Variants in DYNC1LI1 observed in about 807,000 individuals in gnomAD.
The protein encoded by DYNC1LI1 is cytoplasmic dynein 1 light intermediate chain 1.
A neutral mutation model predicts 63.8 loss-of-function variants in DYNC1LI1; 19 were observed. The observed-to-expected ratio is 0.30, with a 90% CI of 0.21 to 0.44. The LOEUF (loss-of-function observed/expected upper bound fraction) is 0.44. DYNC1LI1 is among the 20% of genes least tolerant of loss of function. DYNC1LI1 has a pLI of 1.00. For synonymous variants in DYNC1LI1, 225 were observed against 232.3 expected, an observed-to-expected ratio of 0.97 and a Z score of 0.28; for missense variants, 565 against 630.2, an observed-to-expected ratio of 0.90 and a Z score of 1.11.
chr3:32,566,042 GAGA>G (rs1698254917), intron 2 of DYNC1LI1, among the ~76,000 whole-genome samples: 1 of 152,186 alleles, frequency 6.6e-6, no homozygotes, highest in Admixed American at 6.5e-5. Context: ...ACTGAGGTGA[GAGA>G]AGGACTGCTT....
At chr3:32,554,135 T>C (rs13324617) in intron 2 of DYNC1LI1, among the ~76,000 whole-genome samples, 76 of 152,384 alleles carry the variant, frequency 5.0e-4, no homozygotes, top group African/African-American at 1.6e-3. Context: ...AGAAAATTAA[T>C]GCACTCTTCT....
chr3:32,536,497 G>C (rs1207970131), intron 6 of DYNC1LI1, among the ~76,000 whole-genome samples: 1 of 152,106 alleles, frequency 6.6e-6, no homozygotes, highest in Non-Finnish European at 1.5e-5. Context: ...TTCTATGATA[G>C]ATTTTCCAGG....
chr3:32,541,808 T>C (rs991838540), intron 4 of DYNC1LI1, among the ~76,000 whole-genome samples: 6 of 152,290 alleles, frequency 3.9e-5, no homozygotes, highest in Admixed American at 2.6e-4. Flanking sequence ...GACTTGAAAA[T>C]GTATGTTTAG....
intron 8 of DYNC1LI1, chr3:32,531,769 T>C (rs1285583695): frequency 6.6e-6 from 1 of 152,202 alleles, no homozygotes; most frequent in African/African-American, 2.4e-5. Flanking sequence ...AAATAAAAAT[T>C]ATTTTTTCTT....
rs138674444 is a variant in DYNC1LI1, at chr3:32,552,995, T to C, written c.221-7030A>G. On this transcript the variant is annotated intron_variant, in intron 2 of 12. Coordinates refer to ENST00000273130, the MANE Select transcript of DYNC1LI1 (RefSeq NM_016141.4). ...CAGGCGTGAGCCACCACACCCGGCC[T>C]AAAATGTATACTTCTAAGCCTCCTA... 2.7e-4 allele frequency among the ~76,000 whole-genome samples: 41 copies of C among 152,248 alleles called. 1 individual carries two copies. Among genetic ancestry groups the C allele is most frequent in the African/African-American group, 8.2e-4 (34 of 41,550 alleles).
intron 2 of DYNC1LI1, among the ~76,000 whole-genome samples, chr3:32,549,255 G>A (rs1184044281): frequency 6.7e-6 from 1 of 150,348 alleles, no homozygotes; most frequent in Non-Finnish European, 1.5e-5. Context: ...TTGGGGTTTG[G>A]AGTTATTTGG....
At position 32,561,083 on chromosome 3, in the gene DYNC1LI1, A is replaced by G. The variant is rs776709729; in HGVS notation, c.220+9263T>C. Among the ~76,000 whole-genome samples the G allele has an allele frequency of 5.3e-5, 8 of 151,548 alleles. 1 individual carries two copies. The South Asian group carries it at 8.4e-4, about 16-fold the overall frequency. On this transcript the variant is annotated intron_variant, in intron 2 of 12. Transcript: ENST00000273130. ...CAAAGAAAACATTTAGTTTAATCCAATAAATATCTACCAAGATCAGTAAAT... is the reference window on the plus strand; with the variant it reads ...CAAAGAAAACATTTAGTTTAATCCAGTAAATATCTACCAAGATCAGTAAAT...
intron 2 of DYNC1LI1, among the ~76,000 whole-genome samples, chr3:32,566,142 C>T (rs1440124331): frequency 6.7e-6 from 1 of 148,922 alleles, no homozygotes; most frequent in Non-Finnish European, 1.5e-5. Flanking sequence ...AGTGGTGACA[C>T]GCACCTGTAG....
chr3:32,551,337 C>T (rs995966265), intron 2 of DYNC1LI1, among the ~76,000 whole-genome samples: 1 of 152,080 alleles, frequency 6.6e-6, no homozygotes, highest in Non-Finnish European at 1.5e-5. Context: ...AAAGCACATA[C>T]AGAGACCCAG....
At chr3:32,565,347 C>T (rs12108061) in intron 2 of DYNC1LI1, among the ~76,000 whole-genome samples, 4,368 of 152,248 alleles carry the variant, frequency 0.029, 222 homozygotes, top group African/African-American at 0.099. Context: ...TTCACACTGA[C>T]AGCAAATCAA....
intron 7 of DYNC1LI1, among the ~76,000 whole-genome samples, chr3:32,534,031 C>CTGT (rs1697740536): frequency 2.0e-5 from 3 of 151,970 alleles, no homozygotes; most frequent in African/African-American, 7.3e-5. Context: ...TGTGCACCAC[C>CTGT]ACACCCGGGC....
intron 4 of DYNC1LI1, among the ~76,000 whole-genome samples, chr3:32,543,863 A>C (rs1697916101): frequency 6.6e-6 from 1 of 151,146 alleles, no homozygotes; most frequent in Non-Finnish European, 1.5e-5. Flanking sequence ...TCAGGAGTTC[A>C]AGACCAGCCT....
At chr3:32,570,581 G>A (rs1322669085) in intron 1 of DYNC1LI1, 44 bp downstream of exon 1, 21 of 1,542,440 alleles carry the variant, frequency 1.4e-5, no homozygotes, top group Admixed American at 2.0e-5. Flanking sequence ...TCCGCGCAAG[G>A]CCGGGGGAGC....
At chr3:32,569,601 C>A (rs1174932106) in intron 2 of DYNC1LI1, among the ~76,000 whole-genome samples, 1 of 152,266 alleles carries the variant, frequency 6.6e-6, no homozygotes, top group East Asian at 1.9e-4. Flanking sequence ...GATTCAGGAG[C>A]TAAGCCTAGA....
At chr3:32,553,524 T>G (rs1416379678) in intron 2 of DYNC1LI1, among the ~76,000 whole-genome samples, 1 of 152,102 alleles carries the variant, frequency 6.6e-6, no homozygotes, top group Non-Finnish European at 1.5e-5. Context: ...CCTAAAAAAC[T>G]AGGACACAAA....
At chr3:32,567,892 T>TG (rs2125447630) in intron 2 of DYNC1LI1, among the ~76,000 whole-genome samples, 1 of 152,124 alleles carries the variant, frequency 6.6e-6, no homozygotes, top group Admixed American at 6.5e-5. Flanking sequence ...GTAGTAGAGA[T>TG]GGGGTTTCAC....
At position 32,545,432 on chromosome 3, in the gene DYNC1LI1, T is replaced by C. The variant is rs77338618; in HGVS notation, c.338-326A>G. ...TTTTTACCATCAGCAGATAGAGATA[T>C]GCATACTCAAGATATCATATACAAA... On this transcript the variant is annotated intron_variant, in intron 3 of 12. Coordinates refer to ENST00000273130, the MANE Select transcript of DYNC1LI1 (RefSeq NM_016141.4). 4.9e-3 allele frequency: 1,869 copies of C among 383,988 alleles called. 27 individuals are homozygous for C. Among genetic ancestry groups the C allele is most frequent in the African/African-American group, 0.036 (1,720 of 48,046 alleles). 23.8% of individuals were successfully genotyped at this position (383,988 alleles called of 1,614,324 possible).
intron 8 of DYNC1LI1, chr3:32,532,508 A>ATATATATATATATATATATATAT (rs1559434368): frequency 1.6e-5 from 2 of 124,982 alleles, no homozygotes; most frequent in African/African-American, 5.7e-5. Context: ...TATATATATA[A>ATATATATATATATATATATATAT]AATTGAAAGT....
intron 2 of DYNC1LI1, among the ~76,000 whole-genome samples, chr3:32,550,579 A>T (rs1315455889): frequency 6.6e-6 from 1 of 152,212 alleles, no homozygotes; most frequent in Non-Finnish European, 1.5e-5. Context: ...ATCAGAGTTT[A>T]TTCCTCTCTG....
Sources: allele counts gnomAD v4.1 joint callset (sites outside exome capture counted in the v4.1 genomes callset), GRCh38; gene constraint gnomAD v4.1.1; transcripts MANE v1.5; gene names NCBI Gene and HGNC (gene_info 2026-07-23, HGNC 2026-07-21).